PRKAR2B: variants seen among roughly 807,000 people sequenced by gnomAD.
PRKAR2B encodes the protein cAMP-dependent protein kinase type II-beta regulatory subunit.
PRKAR2B carries 14 observed loss-of-function variants against 49.9 expected under a neutral mutation model. That is an observed-to-expected ratio of 0.28 (90% CI 0.19 to 0.44). PRKAR2B has a LOEUF of 0.44. Among genes scored for constraint, PRKAR2B ranks in the 20% least tolerant of loss-of-function variants. The probability of loss-of-function intolerance (pLI) is 1.00; values close to 1 mark genes in which losing one functional copy is unlikely to be tolerated. For missense variants in PRKAR2B, 393 were observed against 537.9 expected, an observed-to-expected ratio of 0.73 and a Z score of 2.67; for synonymous variants, 196 against 197.7, an observed-to-expected ratio of 0.99 and a Z score of 0.07.
chr7:107,052,287 C>T (rs556604024), intron 1 of PRKAR2B, among the ~76,000 whole-genome samples: 41 of 152,116 alleles, frequency 2.7e-4, no homozygotes, highest in South Asian at 1.2e-3. Flanking sequence ...GGCGTGGTGG[C>T]GGGCGCCTTA....
At chr7:107,115,636 T>A (rs549779428) in intron 2 of PRKAR2B, among the ~76,000 whole-genome samples, 1 of 152,258 alleles carries the variant, frequency 6.6e-6, no homozygotes, top group East Asian at 1.9e-4. Flanking sequence ...CAGCCTTTCC[T>A]CCATTTGCCT....
At chr7:107,146,202 C>G in intron 5 of PRKAR2B, 106 bp from the exon 6 acceptor site, 1 of 1,173,272 alleles carries the variant, frequency 8.5e-7, no homozygotes, top group African/African-American at 1.5e-5. Context: ...GAGGGGATAA[C>G]AGGCTGGAAA....
intron 7 of PRKAR2B, 83 bp from the exon 8 acceptor site, chr7:107,153,094 G>T: frequency 1.0e-6 from 1 of 956,446 alleles, no homozygotes; most frequent in South Asian, 1.7e-5. Context: ...TTGGCCTATA[G>T]GCTACCAGTT....
chr7:107,148,766 A>G (rs751943880), intron 6 of PRKAR2B, among the ~76,000 whole-genome samples: 5 of 152,228 alleles, frequency 3.3e-5, no homozygotes, highest in Admixed American at 3.3e-4. Context: ...CCATTGCAGA[A>G]TAGTCTCACT....
chr7:107,083,917 A>C (rs1463090345), intron 2 of PRKAR2B, among the ~76,000 whole-genome samples: 1 of 152,060 alleles, frequency 6.6e-6, no homozygotes, highest in Admixed American at 6.6e-5. Context: ...GGCCAAACCT[A>C]GTTTTTAGCT....
chr7:107,096,223 T>C (rs966426578), intron 2 of PRKAR2B, among the ~76,000 whole-genome samples: 1 of 152,228 alleles, frequency 6.6e-6, no homozygotes, highest in Non-Finnish European at 1.5e-5. Flanking sequence ...TTTCCTCGTT[T>C]AGTCCTGGGA....
intron 4 of PRKAR2B, among the ~76,000 whole-genome samples, chr7:107,140,335 A>T (rs1381253997): frequency 6.6e-6 from 1 of 152,140 alleles, no homozygotes; most frequent in African/African-American, 2.4e-5. Flanking sequence ...TTTTTGTTTT[A>T]CTTTGTTGTT....
intron 2 of PRKAR2B, among the ~76,000 whole-genome samples, chr7:107,080,110 A>T (rs1794487856): frequency 6.6e-6 from 1 of 152,012 alleles, no homozygotes. Flanking sequence ...GTGAAATGAA[A>T]ACTGTGAGCC....
intron 1 of PRKAR2B, among the ~76,000 whole-genome samples, chr7:107,055,738 A>G (rs1793900383): frequency 6.6e-6 from 1 of 152,138 alleles, no homozygotes; most frequent in Non-Finnish European, 1.5e-5. Context: ...AGTAGATTGC[A>G]AAAATTTTCT....
At chr7:107,096,154 G>A (rs1356109171) in intron 2 of PRKAR2B, among the ~76,000 whole-genome samples, 7 of 152,222 alleles carry the variant, frequency 4.6e-5, no homozygotes, top group African/African-American at 1.7e-4. Flanking sequence ...TGGTTAGTAG[G>A]CTATTAATTG....
chr7:107,045,020 G>A lies in PRKAR2B; in HGVS notation c.113G>A (p.Arg38His), dbSNP rs753974650. 5 of 1,551,550 alleles carry A rather than the reference G, an allele frequency of 3.2e-6. No homozygotes were observed. The highest frequency in any genetic ancestry group is 1.4e-5 in the African/African-American group (1 of 73,538). Reference sequence around the variant, plus strand: ...GAGTTCGCGCTGCAGCACTTCACCCGCCTGCAGCAGGAGAACGAGCGCAAA... The same window carrying A: ...GAGTTCGCGCTGCAGCACTTCACCCACCTGCAGCAGGAGAACGAGCGCAAA... ...LLEFALQHFT[R>H]LQQENERKGT... is the part of the protein sequence containing the mutation. The change falls in exon 1 of 11, where the codon CGC (arginine) becomes CAC (histidine). Residue 38 changes from arginine to histidine, a missense_variant. By Grantham distance (29) the Arg-to-His change is conservative. This residue lies in a region of PRKAR2B where 160 missense variants were observed against 147.6 expected (regional missense o/e 1.08). Transcript: ENST00000265717.
chr7:107,098,421 T>G (rs943413283), intron 2 of PRKAR2B, among the ~76,000 whole-genome samples: 2 of 152,194 alleles, frequency 1.3e-5, no homozygotes, highest in Non-Finnish European at 2.9e-5. Flanking sequence ...TAATCTTTTT[T>G]GAAGGTTTTT....
chr7:107,063,082 C>G (rs1465282535), intron 1 of PRKAR2B, among the ~76,000 whole-genome samples: 1 of 152,158 alleles, frequency 6.6e-6, no homozygotes, highest in Non-Finnish European at 1.5e-5. Context: ...GAGCTCACTG[C>G]AACTTCTGCC....
At chr7:107,084,623 CTTTT>C (rs1228159993) in intron 2 of PRKAR2B, among the ~76,000 whole-genome samples, 2 of 141,052 alleles carry the variant, frequency 1.4e-5, no homozygotes, top group Non-Finnish European at 3.1e-5. Context: ...CATCTATATA[CTTTT>C]TTTTTTTTTT....
At chr7:107,105,738 T>G (rs1795059250) in intron 2 of PRKAR2B, among the ~76,000 whole-genome samples, 1 of 152,104 alleles carries the variant, frequency 6.6e-6, no homozygotes, top group Non-Finnish European at 1.5e-5. Flanking sequence ...GTGGCCCTCT[T>G]AGTGACAGTA....
chr7:107,108,236 G>A (rs774449936), intron 2 of PRKAR2B, among the ~76,000 whole-genome samples: 6 of 152,150 alleles, frequency 3.9e-5, no homozygotes, highest in Non-Finnish European at 5.9e-5. Flanking sequence ...CCCAAAGTTA[G>A]CACAACAGAG....
intron 2 of PRKAR2B, among the ~76,000 whole-genome samples, chr7:107,121,616 A>G (rs921320219): frequency 3.9e-5 from 6 of 152,156 alleles, no homozygotes; most frequent in Admixed American, 6.5e-5. Context: ...TCATCATTTC[A>G]TGGCAGACAG....
intron 1 of PRKAR2B, among the ~76,000 whole-genome samples, chr7:107,062,634 G>A (rs901277867): frequency 6.6e-6 from 1 of 152,112 alleles, no homozygotes; most frequent in Non-Finnish European, 1.5e-5. Context: ...TGGAGTGTTG[G>A]TTGTGGATGT....
chr7:107,136,171 TAACTC>T (rs1795698725), intron 4 of PRKAR2B, among the ~76,000 whole-genome samples: 1 of 152,226 alleles, frequency 6.6e-6, no homozygotes, highest in African/African-American at 2.4e-5. Context: ...TCACAAAAAT[TAACTC>T]AAAATAGATC....
Sources: allele counts gnomAD v4.1 joint callset (sites outside exome capture counted in the v4.1 genomes callset), GRCh38; gene constraint gnomAD v4.1.1; regional missense constraint gnomAD v4.1.1; transcripts MANE v1.5; gene names NCBI Gene and HGNC (gene_info 2026-07-23, HGNC 2026-07-21).